Variants in FUT8 observed in about 807,000 individuals in gnomAD.
FUT8 encodes the protein alpha-(1,6)-fucosyltransferase.
In FUT8, 29 loss-of-function variants were observed where a neutral mutation model predicts 71.3. The observed-to-expected ratio is 0.41, with a 90% CI of 0.30 to 0.55. FUT8 has a LOEUF of 0.55. Ranked by LOEUF, FUT8 falls within the 20% of genes least tolerant of loss-of-function variation. The probability of loss-of-function intolerance (pLI) is 0.34; values close to 1 mark genes in which losing one functional copy is unlikely to be tolerated. For missense variants in FUT8, 544 were observed against 702.1 expected, an observed-to-expected ratio of 0.77 and a Z score of 2.55; for synonymous variants, 254 against 239.3, an observed-to-expected ratio of 1.06 and a Z score of -0.57.
At chr14:65,438,033 G>A (rs1366995126) in intron 1 of FUT8, among the ~76,000 whole-genome samples, 1 of 152,174 alleles carries the variant, frequency 6.6e-6, no homozygotes. Flanking sequence ...AACTATTTTG[G>A]CTCACACTTT....
intron 2 of FUT8, among the ~76,000 whole-genome samples, chr14:65,534,107 G>A (rs1884131948): frequency 6.6e-6 from 1 of 151,634 alleles, no homozygotes; most frequent in Non-Finnish European, 1.5e-5. Context: ...TTTTCCTTGA[G>A]AAACAAAGGT....
intron 6 of FUT8, among the ~76,000 whole-genome samples, chr14:65,630,676 G>A (rs2095272410): frequency 6.6e-6 from 1 of 152,002 alleles, no homozygotes; most frequent in Non-Finnish European, 1.5e-5. Context: ...AGAGAGATTG[G>A]GAAGATAAAA....
intron 2 of FUT8, among the ~76,000 whole-genome samples, chr14:65,480,066 GTTTGGATT>G (rs2066306222): frequency 6.6e-6 from 1 of 152,068 alleles, no homozygotes; most frequent in Non-Finnish European, 1.5e-5. Flanking sequence ...ATGACCACAT[GTTTGGATT>G]TCTTGACTAT....
At chr14:65,653,376 C>T (rs1891506753) in intron 6 of FUT8, among the ~76,000 whole-genome samples, 1 of 151,998 alleles carries the variant, frequency 6.6e-6, no homozygotes, top group South Asian at 2.1e-4. Context: ...AAGTTTTAGT[C>T]TGTGATTTAT....
At chr14:65,406,881 T>C (rs1219546273), upstream of FUT8, among the ~76,000 whole-genome samples, 7 of 152,150 alleles carry the variant, frequency 4.6e-5, no homozygotes, top group Admixed American at 4.6e-4. Context: ...TGTGATCTGA[T>C]TGGATCTTGC....
intron 3 of FUT8, among the ~76,000 whole-genome samples, chr14:65,582,003 T>C (rs1350413971): frequency 6.6e-6 from 1 of 152,164 alleles, no homozygotes; most frequent in African/African-American, 2.4e-5. Context: ...GATGAGACCA[T>C]TAGAATCTTG....
intron 1 of FUT8, among the ~76,000 whole-genome samples, chr14:65,453,868 C>T (rs2065861518): frequency 1.3e-5 from 2 of 152,116 alleles, no homozygotes; most frequent in South Asian, 2.1e-4. Flanking sequence ...TAATTTTTGC[C>T]ACCTCCACTG....
In FUT8 at chr14:65,574,978, T is replaced by C. The variant is rs77104622; in HGVS notation, c.203+13212T>C. Reference sequence around the variant, plus strand: ...ATACTCTTTTTGTGGATGATGGCTTTGGTTACTGGATTCCAAAGGCCAGTA... The same window carrying C: ...ATACTCTTTTTGTGGATGATGGCTTCGGTTACTGGATTCCAAAGGCCAGTA... On this transcript the variant is annotated intron_variant, in intron 3 of 10. Transcript: ENST00000673929. This position sits in a 1 kb window ranked among gnomAD's most constrained non-coding sequence, Gnocchi z 5.2. Among the ~76,000 whole-genome samples, 762 of 152,314 alleles carry C rather than the reference T, an allele frequency of 5.0e-3. 12 individuals carry two copies. Among genetic ancestry groups the C allele is most frequent in the African/African-American group, 0.017 (722 of 41,566 alleles).
At chr14:65,606,816 A>G (rs1249650175) in intron 3 of FUT8, among the ~76,000 whole-genome samples, 1 of 151,904 alleles carries the variant, frequency 6.6e-6, no homozygotes, top group African/African-American at 2.4e-5. Flanking sequence ...ACTTTGCTAA[A>G]TTTAATTAAA....
chr14:65,445,183 G>A (rs935861277), intron 1 of FUT8, among the ~76,000 whole-genome samples: 6 of 152,058 alleles, frequency 3.9e-5, no homozygotes, highest in Non-Finnish European at 8.8e-5. Context: ...TACAGCCTGG[G>A]AGACAGAGCG....
At chr14:65,520,314 G>A (rs1223906588) in intron 2 of FUT8, among the ~76,000 whole-genome samples, 2 of 151,944 alleles carry the variant, frequency 1.3e-5, no homozygotes, top group Non-Finnish European at 2.9e-5. Flanking sequence ...ATAAATATTA[G>A]GTTGAACTGC....
intron 10 of FUT8, among the ~76,000 whole-genome samples, chr14:65,740,417 G>T (rs946777568): frequency 6.6e-6 from 1 of 152,004 alleles, no homozygotes; most frequent in African/African-American, 2.4e-5. Context: ...CTAAGTTGAG[G>T]TGATGATTAA....
chr14:65,691,988 C>G (rs1158523783), intron 7 of FUT8, among the ~76,000 whole-genome samples: 1 of 152,022 alleles, frequency 6.6e-6, no homozygotes, highest in Non-Finnish European at 1.5e-5. Context: ...TGAAAAGTCT[C>G]CCATGTCTAC....
chr14:65,370,071 C>A, the FUT8 span, among the ~76,000 whole-genome samples: 4 of 151,386 alleles, frequency 2.6e-5, no homozygotes, highest in Non-Finnish European at 5.9e-5. Context: ...TAGTATTATT[C>A]TTCTTCATGT....
rs1343034504 is a variant in FUT8, at chr14:65,743,479, T to C, written c.*1069T>C. On this transcript the variant is annotated 3_prime_UTR_variant, in exon 11 of 11. Coordinates refer to ENST00000673929, the MANE Select transcript of FUT8 (RefSeq NM_001371533.1). The stretch of plus-strand genomic sequence containing the variant: ...TCCATTTCTAAAACCATTTCAGGTT[T>C]GTTTGGTAGTCTTTCTTAATGTATT... 6.6e-6 allele frequency: 1 copy of C among 151,854 alleles called. No individual in the cohort carries two copies. Among genetic ancestry groups the C allele is most frequent in the Non-Finnish European group, 1.5e-5 (1 of 67,896 alleles). 9.4% of individuals were successfully genotyped at this position (151,854 alleles called of 1,614,324 possible).
intron 3 of FUT8, among the ~76,000 whole-genome samples, chr14:65,598,265 C>T (rs563663078): frequency 1.1e-4 from 17 of 152,090 alleles, no homozygotes; most frequent in South Asian, 8.3e-4. Flanking sequence ...CTCTGTTGCC[C>T]GGGCTGGAGT....
intron 3 of FUT8, among the ~76,000 whole-genome samples, chr14:65,605,678 G>A (rs919296403): frequency 6.6e-6 from 1 of 151,932 alleles, no homozygotes; most frequent in African/African-American, 2.4e-5. Flanking sequence ...TGTTGTTTAA[G>A]CCACCCATTT....
intron 3 of FUT8, among the ~76,000 whole-genome samples, chr14:65,581,633 A>T (rs1887095820): frequency 6.6e-6 from 1 of 152,172 alleles, no homozygotes; most frequent in Admixed American, 6.5e-5. Context: ...AAAGGATATA[A>T]ACTGACACAT....
intron 7 of FUT8, among the ~76,000 whole-genome samples, chr14:65,670,476 A>G (rs1892422572): frequency 6.6e-6 from 1 of 152,166 alleles, no homozygotes; most frequent in African/African-American, 2.4e-5. Context: ...CAAATGTATA[A>G]TGAGTGCCTA....
Sources: allele counts gnomAD v4.1 joint callset (sites outside exome capture counted in the v4.1 genomes callset), GRCh38; gene constraint gnomAD v4.1.1; non-coding constraint Gnocchi (gnomAD v3.1); transcripts MANE v1.5; gene names NCBI Gene and HGNC (gene_info 2026-07-23, HGNC 2026-07-21).